Variants in GRM7 observed in about 807,000 individuals in gnomAD.
GRM7 encodes glutamate metabotropic receptor 7.
Under a neutral mutation model 84.5 loss-of-function variants are expected in GRM7, and 35 were observed. The observed-to-expected ratio is 0.41, with a 90% CI of 0.32 to 0.55. The LOEUF is 0.55. Among genes scored for constraint, GRM7 ranks in the 20% least tolerant of loss-of-function variants. The pLI, the probability that GRM7 is intolerant of heterozygous loss-of-function variation, is 0.19. For synonymous variants in GRM7, 487 were observed against 455.1 expected, an observed-to-expected ratio of 1.07 and a Z score of -0.89; for missense variants, 1,003 against 1,194.6, an observed-to-expected ratio of 0.84 and a Z score of 2.36.
intron 4 of GRM7, among the ~76,000 whole-genome samples, chr3:7,367,824 G>A (rs1693965090): frequency 1.3e-5 from 2 of 151,344 alleles, no homozygotes; most frequent in African/African-American, 4.9e-5. Flanking sequence ...ATCTAGACGG[G>A]GTCCTGTGGA....
chr3:7,025,384 A>G (rs1351212818), intron 1 of GRM7, among the ~76,000 whole-genome samples: 1 of 152,232 alleles, frequency 6.6e-6, no homozygotes, highest in African/African-American at 2.4e-5. Flanking sequence ...ACTTCAGGCC[A>G]ATGCATCTCT....
chr3:7,505,705 A>G (rs1315043319), intron 7 of GRM7, among the ~76,000 whole-genome samples: 1 of 152,214 alleles, frequency 6.6e-6, no homozygotes, highest in Non-Finnish European at 1.5e-5. Flanking sequence ...CATTTGAGCC[A>G]TAGCTGGAGA....
At chr3:6,979,239 C>T (rs1318553921) in intron 1 of GRM7, among the ~76,000 whole-genome samples, 1 of 152,150 alleles carries the variant, frequency 6.6e-6, no homozygotes, top group Non-Finnish European at 1.5e-5. Context: ...GTGATTTCTA[C>T]AGCAGGGTAG....
chr3:6,991,789 A>T (rs1694646595), intron 1 of GRM7, among the ~76,000 whole-genome samples: 1 of 152,106 alleles, frequency 6.6e-6, no homozygotes, highest in African/African-American at 2.4e-5. Flanking sequence ...GTGTGGTGAA[A>T]ACACTTTAAA....
chr3:7,078,736 T>C (rs762471183), intron 1 of GRM7, among the ~76,000 whole-genome samples: 1 of 152,156 alleles, frequency 6.6e-6, no homozygotes, highest in Non-Finnish European at 1.5e-5. Context: ...TTGTAAGGTG[T>C]AGCCATATTC....
Position 7,364,024 on chromosome 3 carries a change from G to T in GRM7, c.1034-50999G>T, listed in dbSNP as rs116327325. On this transcript the variant is annotated intron_variant, in intron 4 of 9. Coordinates refer to ENST00000357716, the MANE Select transcript of GRM7 (RefSeq NM_000844.4). ...GAGTTGGGTGCTATGTATATTATGG[G>T]TATATCCTGTAAACTGTGCCACTTC... Among the ~76,000 whole-genome samples the T allele has an allele frequency of 9.6e-3, 1,457 of 152,014 alleles. 14 individuals carry two copies. Among genetic ancestry groups the T allele is most frequent in the Admixed American group, 0.027 (408 of 15,244 alleles).
At chr3:7,628,955 G>A (rs147185867) in intron 8 of GRM7, among the ~76,000 whole-genome samples, 283 of 152,226 alleles carry the variant, frequency 1.9e-3, no homozygotes, top group African/African-American at 6.4e-3. Context: ...CTGCTATCCT[G>A]GTTAGAGTAG....
intron 2 of GRM7, among the ~76,000 whole-genome samples, chr3:7,269,254 A>G (rs1698763732): frequency 6.6e-6 from 1 of 152,206 alleles, no homozygotes; most frequent in Non-Finnish European, 1.5e-5. Flanking sequence ...TTCCAATGTG[A>G]GCAGACGAAA....
chr3:7,452,996 G>T (rs1405433125), intron 6 of GRM7, among the ~76,000 whole-genome samples, 189 bp downstream of exon 6: 1 of 150,602 alleles, frequency 6.6e-6, no homozygotes, highest in Non-Finnish European at 1.5e-5. Context: ...ATATTTGGGG[G>T]TTATGGTTTG....
intron 4 of GRM7, among the ~76,000 whole-genome samples, chr3:7,358,983 G>T (rs1360416000): frequency 7.8e-6 from 1 of 127,924 alleles, no homozygotes; most frequent in Non-Finnish European, 1.7e-5. Flanking sequence ...CCTGGGCGAG[G>T]TGGCACAAGC....
chr3:7,309,138 A>G (rs1167447283), intron 4 of GRM7, among the ~76,000 whole-genome samples: 3 of 152,314 alleles, frequency 2.0e-5, no homozygotes, highest in East Asian at 1.9e-4. Flanking sequence ...CCATCTAGCC[A>G]TATTGCCTAG....
intron 2 of GRM7, among the ~76,000 whole-genome samples, chr3:7,161,416 T>C (rs1694620153): frequency 8.6e-6 from 1 of 116,106 alleles, no homozygotes; most frequent in South Asian, 2.7e-4. Context: ...TTCTTTGTAA[T>C]GACCTGAAAA....
At chr3:7,550,626 C>T (rs968584100) in intron 7 of GRM7, among the ~76,000 whole-genome samples, 32 of 134,514 alleles carry the variant, frequency 2.4e-4, no homozygotes, top group African/African-American at 9.1e-4. Flanking sequence ...TGTATTTTCT[C>T]CTTCCACCAC....
At chr3:6,882,645 G>A (rs559340308) in intron 1 of GRM7, among the ~76,000 whole-genome samples, 3 of 152,236 alleles carry the variant, frequency 2.0e-5, no homozygotes, top group African/African-American at 7.2e-5. Flanking sequence ...GTTTGTGGGG[G>A]TACACACAGG....
chr3:7,274,908 C>T (rs1250113607), intron 2 of GRM7, among the ~76,000 whole-genome samples: 2 of 151,948 alleles, frequency 1.3e-5, no homozygotes, highest in East Asian at 1.9e-4. Context: ...TCTTCTCCTT[C>T]TGGTATTTGC....
intron 2 of GRM7, among the ~76,000 whole-genome samples, chr3:7,185,114 A>G (rs1695470778): frequency 6.6e-6 from 1 of 152,146 alleles, no homozygotes. Flanking sequence ...TAAGTGCAAA[A>G]GCCAGTATTT....
rs150374758 is a variant in GRM7 at position 7,169,924 on chromosome 3, A to G, written c.736+23256A>G. Among the ~76,000 whole-genome samples the G allele has an allele frequency of 1.6e-4, 25 of 152,346 alleles. No homozygotes were observed. In the East Asian group the frequency reaches 4.6e-3, roughly 28 times the overall value. The stretch of plus-strand genomic sequence containing the variant: ...TAAAATATTAAAAATAGAGGTATAT[A>G]TAGGACAATGGTTCTGAAACTTTAA... On this transcript the variant is annotated intron_variant, in intron 2 of 9. Coordinates refer to ENST00000357716, the MANE Select transcript of GRM7 (RefSeq NM_000844.4).
At chr3:7,266,417 AG>A (rs773664752) in intron 2 of GRM7, among the ~76,000 whole-genome samples, 47 of 152,308 alleles carry the variant, frequency 3.1e-4, no homozygotes, top group Admixed American at 7.2e-4. Context: ...TACTCAGCGT[AG>A]GTAGAGGTTG....
At chr3:7,292,016 ATATGTGCTT>A (rs1699648330) in intron 2 of GRM7, among the ~76,000 whole-genome samples, 1 of 152,130 alleles carries the variant, frequency 6.6e-6, no homozygotes, top group South Asian at 2.1e-4. Flanking sequence ...CTGCCATGTA[ATATGTGCTT>A]TCTGCCTTCT....
Sources: allele counts gnomAD v4.1 joint callset (sites outside exome capture counted in the v4.1 genomes callset), GRCh38; gene constraint gnomAD v4.1.1; transcripts MANE v1.5; gene names NCBI Gene and HGNC (gene_info 2026-07-23, HGNC 2026-07-21).